The following PCDHGA5 variants were observed in gnomAD, a reference collection of about 807,000 sequenced individuals.
PCDHGA5 encodes protocadherin gamma subfamily A, 5.
Under a neutral mutation model 56.7 loss-of-function variants are expected in PCDHGA5, and 36 were observed. The observed-to-expected ratio is 0.64, with a 90% confidence interval of 0.49 to 0.84. The LOEUF is 0.84. PCDHGA5 is among the 40% of genes least tolerant of loss of function. The pLI is 0.00. For synonymous variants in PCDHGA5, 563 were observed against 520.2 expected (o/e 1.08, Z -1.12); for missense variants, 1,305 against 1,201.5 (o/e 1.09, Z -1.27).
rs1339425803 is a variant in PCDHGA5 at position 141,366,474 on chromosome 5, G to T, written c.2144G>T (p.Arg715Ile). The T allele has an allele frequency of 6.2e-6, 10 of 1,614,248 alleles. No individual in the cohort carries two copies. Among genetic ancestry groups the T allele is most frequent in the Non-Finnish European group, 8.5e-6 (10 of 1,180,046 alleles). Residue 715 changes from arginine (R) to isoleucine (I), a missense_variant, in exon 1 of 4, where the codon AGA becomes ATA. Physicochemically the swap from Arg to Ile is moderately conservative, Grantham distance 97. Coordinates refer to ENST00000518069, the MANE Select transcript of PCDHGA5 (RefSeq NM_018918.3). ...LAFVIVLLVL[R>I]LRRWHKSRLL... ...TTCGTCATCGTGCTGCTGGTGCTCA[G>T]ACTGAGGCGCTGGCACAAGTCACGC...
intron 1 of PCDHGA5, among the ~76,000 whole-genome samples, chr5:141,430,347 A>C (rs2097274758): frequency 6.6e-6 from 1 of 151,944 alleles, no homozygotes; most frequent in Non-Finnish European, 1.5e-5. Flanking sequence ...CTTCCAATTC[A>C]TTTAAAAGCT....
intron 1 of PCDHGA5, chr5:141,384,375 C>T (rs190245807): frequency 6.2e-7 from 1 of 1,613,912 alleles, no homozygotes; most frequent in South Asian, 1.1e-5. Flanking sequence ...ATTCCTTGGC[C>T]GAAGACACCA....
intron 1 of PCDHGA5, chr5:141,417,592 TG>T: frequency 2.1e-6 from 1 of 485,078 alleles, no homozygotes; most frequent in Non-Finnish European, 3.5e-6. Context: ...ACAGAGCCTC[TG>T]GGCGCCGCCG....
intron 2 of PCDHGA5, 166 bp from the exon 3 acceptor site, chr5:141,505,227 T>C: frequency 1.2e-6 from 1 of 840,112 alleles, no homozygotes; most frequent in Non-Finnish European, 1.4e-6. Context: ...TGTGGGATTC[T>C]GGCTTCTGAA....
rs762314174 is a variant in PCDHGA5, at chr5:141,404,905, GCC to G, written c.2421+38158_2421+38159del. The G allele has an allele frequency of 1.9e-6, 3 of 1,613,910 alleles. No homozygotes were observed. In the South Asian group the frequency reaches 3.3e-5, roughly 18 times the overall value. On this transcript the variant is annotated intron_variant, in intron 1 of 3. Coordinates refer to ENST00000518069, the MANE Select transcript of PCDHGA5 (RefSeq NM_018918.3). ...TGGTGGCTGTACAGGACCATGGCCA[GCC>G]CCCTCTCTCGGCCACTGTCACGCTC...
chr5:141,374,510 C>T (rs760895208), intron 1 of PCDHGA5: 2 of 1,611,824 alleles, frequency 1.2e-6, no homozygotes, highest in East Asian at 2.2e-5. Context: ...AGTGAAAATT[C>T]TCGAAAACGC....
At chr5:141,418,463 C>G in intron 1 of PCDHGA5, 1 of 1,613,944 alleles carries the variant, frequency 6.2e-7, no homozygotes, top group South Asian at 1.1e-5. Context: ...GACTCTGGAC[C>G]GAGAAACGCA....
chr5:141,489,867 G>C lies in PCDHGA5; in HGVS notation c.2422-4940G>C. ...ATCGTGAAGCCCAGGCAAGACATCA[G>C]CTGGTGCTTACTGCTGTGGATGGGG... On this transcript the variant is annotated intron_variant, in intron 1 of 3. Transcript: ENST00000518069. This position sits in a 1 kb window ranked among gnomAD's most constrained non-coding sequence, Gnocchi z 4.5. 1 of 1,614,240 alleles carries C rather than the reference G, an allele frequency of 6.2e-7. No individual in the cohort carries two copies. Among genetic ancestry groups the C allele is most frequent in the Non-Finnish European group, 8.5e-7 (1 of 1,180,034 alleles).
intron 2 of PCDHGA5, among the ~76,000 whole-genome samples, chr5:141,496,207 T>C (rs973745475): frequency 6.6e-6 from 1 of 152,134 alleles, no homozygotes; most frequent in Non-Finnish European, 1.5e-5. Flanking sequence ...CAATCTGGTA[T>C]GAATTCCTGC....
chr5:141,414,255 G>A (rs776584940), intron 1 of PCDHGA5: 12 of 1,613,350 alleles, frequency 7.4e-6, no homozygotes, highest in Non-Finnish European at 1.0e-5. Flanking sequence ...TTAGTCCAGT[G>A]ACTGAAGATT....
chr5:141,487,818 G>T lies in PCDHGA5; in HGVS notation c.2422-6989G>T, dbSNP rs1009237001. The T allele has an allele frequency of 1.2e-5, 16 of 1,331,602 alleles. No homozygotes were observed. Among genetic ancestry groups the T allele is most frequent in the Non-Finnish European group, 1.4e-5 (14 of 970,528 alleles). The allele number at this position is 1,331,602 out of a possible 1,614,324, so 82.5% of individuals were successfully genotyped here. On this transcript the variant is annotated intron_variant, in intron 1 of 3. Transcript: ENST00000518069. This position sits in a 1 kb window ranked among gnomAD's most constrained non-coding sequence, Gnocchi z 5.0. Reference sequence around the variant, plus strand: ...GAGTTGTCACAGTTTAGCATTGGGGGCGGGTCATGCCTATATCTGAGTAAG... The same window carrying T: ...GAGTTGTCACAGTTTAGCATTGGGGTCGGGTCATGCCTATATCTGAGTAAG...
rs768510925 is a variant in PCDHGA5 at position 141,394,047 on chromosome 5, C to T, written c.2421+27296C>T. On this transcript the variant is annotated intron_variant, in intron 1 of 3. Coordinates refer to ENST00000518069, the MANE Select transcript of PCDHGA5 (RefSeq NM_018918.3). Reference sequence around the variant, plus strand: ...ATTAGTGACAAGGAAATATTTGGACCGAGAAAATGTCTCTATCTACAATAT... The same window carrying T: ...ATTAGTGACAAGGAAATATTTGGACTGAGAAAATGTCTCTATCTACAATAT... The T allele has an allele frequency of 5.6e-6, 9 of 1,613,438 alleles. No homozygotes were observed. The Admixed American group carries it at 1.5e-4, about 27-fold the overall frequency.
At chr5:141,385,670 C>A in intron 1 of PCDHGA5, 1 of 420,128 alleles carries the variant, frequency 2.4e-6, no homozygotes, top group Non-Finnish European at 3.4e-6. Flanking sequence ...GAATAAAACA[C>A]ACCTCAGCTG....
chr5:141,491,578 C>G lies in PCDHGA5; in HGVS notation c.2422-3229C>G, dbSNP rs1438933474. ...CCACTGCTACAGGACGTGCTTTTCA[C>G]CGGCCTCGGACGGCAGTGACTTCAC... On this transcript the variant is annotated intron_variant, in intron 1 of 3. Transcript: ENST00000518069. This position sits in a 1 kb window ranked among gnomAD's most constrained non-coding sequence, Gnocchi z 6.9. The G allele has an allele frequency of 1.9e-6, 3 of 1,614,006 alleles. No individual in the cohort carries two copies. Among genetic ancestry groups the G allele is most frequent in the Non-Finnish European group, 2.5e-6 (3 of 1,180,036 alleles).
chr5:141,494,745 G>C, intron 1 of PCDHGA5, 62 bp from the exon 2 acceptor site: 1 of 1,612,802 alleles, frequency 6.2e-7, no homozygotes, highest in Middle Eastern at 1.7e-4. Flanking sequence ...ATCCCTAGGG[G>C]CTCGGGTGAC....
chr5:141,446,266 A>C (rs1268290014), intron 1 of PCDHGA5, among the ~76,000 whole-genome samples: 1 of 152,174 alleles, frequency 6.6e-6, no homozygotes, highest in African/African-American at 2.4e-5. Context: ...TTATTAACTG[A>C]ATAAATACAA....
chr5:141,381,153 G>A (rs1345573365), intron 1 of PCDHGA5, among the ~76,000 whole-genome samples: 3 of 152,196 alleles, frequency 2.0e-5, no homozygotes, highest in Non-Finnish European at 4.4e-5. Context: ...GCAGAAATAG[G>A]TTACTTAGGA....
At chr5:141,376,491 A>T in intron 1 of PCDHGA5, 2 of 1,614,114 alleles carry the variant, frequency 1.2e-6, no homozygotes, top group Non-Finnish European at 1.7e-6. Context: ...ACGAAAGGAG[A>T]ACCCAGGCAA....
intron 1 of PCDHGA5, among the ~76,000 whole-genome samples, chr5:141,444,372 T>C (rs967151811): frequency 6.6e-6 from 1 of 151,998 alleles, no homozygotes. Context: ...GGTTTCTCCA[T>C]GTTGGTCAGG....
Sources: gnomAD v4.1 joint callset for allele counts (sites outside exome capture counted in the v4.1 genomes callset) on GRCh38, gnomAD v4.1.1 for gene constraint, Gnocchi (gnomAD v3.1) non-coding constraint, MANE v1.5 for transcripts, NCBI Gene and HGNC (gene_info 2026-07-23, HGNC 2026-07-21) for gene names.